FHIP1A: variants seen among roughly 807,000 people sequenced by gnomAD.
FHIP1A encodes FHF complex subunit HOOK interacting protein 1A, also known as FHF complex subunit HOOK-interacting protein 1A.
In FHIP1A, 61 loss-of-function variants were observed where a neutral mutation model predicts 88.6. The observed-to-expected ratio is 0.69, with a 90% CI of 0.56 to 0.85. The LOEUF (loss-of-function observed/expected upper bound fraction) is 0.85. FHIP1A is among the 40% of genes least tolerant of loss of function. The pLI, the probability that FHIP1A is intolerant of heterozygous loss-of-function variation, is 0.00. For synonymous variants in FHIP1A, 478 were observed against 496.0 expected, an observed-to-expected ratio of 0.96 and a Z score of 0.48; for missense variants, 1,154 against 1,273.5, an observed-to-expected ratio of 0.91 and a Z score of 1.43.
intron 11 of FHIP1A, among the ~76,000 whole-genome samples, chr4:151,650,878 C>G (rs924122884): frequency 6.6e-6 from 1 of 152,178 alleles, no homozygotes; most frequent in African/African-American, 2.4e-5. Flanking sequence ...CACAAGAATC[C>G]AGACGTCTTA....
chr4:151,581,771 G>T (rs1423210359), intron 5 of FHIP1A, among the ~76,000 whole-genome samples: 1 of 152,144 alleles, frequency 6.6e-6, no homozygotes, highest in Non-Finnish European at 1.5e-5. Context: ...TGAGAAAAAG[G>T]TTTCTCTAAT....
chr4:151,491,572 AAC>A (rs1440939732), intron 3 of FHIP1A, among the ~76,000 whole-genome samples: 6 of 152,154 alleles, frequency 3.9e-5, no homozygotes, highest in African/African-American at 1.4e-4. Flanking sequence ...ATAAAACAAT[AAC>A]ACAATGAAAA....
Position 151,577,491 on chromosome 4 carries a change from C to T in FHIP1A, c.147C>T (p.Thr49=). 6.5e-7 allele frequency: 1 copy of T among 1,546,982 alleles called. No individual in the cohort carries two copies. Among genetic ancestry groups the T allele is most frequent in the Non-Finnish European group, 8.7e-7 (1 of 1,143,726 alleles). ...ILEKHDPLKN[T]QAKYGSIPPD... is the part of the protein sequence containing the mutation. The stretch of plus-strand genomic sequence containing the variant: ...AGAAGCACGACCCCTTGAAGAACAC[C>T]CAGGCAAAATATGGGTCTATCCCTC... The change falls in exon 5 of 14, where the codon ACC becomes ACT. Residue 49 remains threonine, a synonymous_variant. Coordinates refer to ENST00000435205, the MANE Select transcript of FHIP1A (RefSeq NM_001109977.3).
chr4:151,645,319 A>G (rs984903328), intron 9 of FHIP1A, among the ~76,000 whole-genome samples: 11 of 152,146 alleles, frequency 7.2e-5, no homozygotes, highest in Non-Finnish European at 1.6e-4. Context: ...GGAAAGTATT[A>G]TTAAAACCTT....
intron 3 of FHIP1A, among the ~76,000 whole-genome samples, chr4:151,492,403 T>C (rs1730314581): frequency 6.6e-6 from 1 of 151,728 alleles, no homozygotes; most frequent in Non-Finnish European, 1.5e-5. Context: ...AACAGCCTGA[T>C]CAATATGGTG....
chr4:151,441,315 C>G (rs974715862), intron 1 of FHIP1A, among the ~76,000 whole-genome samples: 2 of 150,428 alleles, frequency 1.3e-5, no homozygotes, highest in African/African-American at 4.9e-5. Flanking sequence ...GAGATCAAGT[C>G]CTTTCTACTT....
intron 4 of FHIP1A, among the ~76,000 whole-genome samples, chr4:151,567,070 A>T (rs1034471492): frequency 9.9e-5 from 15 of 152,120 alleles, no homozygotes; most frequent in Admixed American, 3.3e-4. Flanking sequence ...TGATTATAAA[A>T]TTTTTTTTGA....
intron 1 of FHIP1A, among the ~76,000 whole-genome samples, chr4:151,424,444 T>C (rs534272361): frequency 2.2e-4 from 33 of 152,176 alleles, no homozygotes; most frequent in Admixed American, 7.2e-4. Context: ...GGCAGGACCT[T>C]AGAGCAGTGA....
intron 7 of FHIP1A, among the ~76,000 whole-genome samples, chr4:151,593,821 G>C (rs971582505): frequency 6.6e-6 from 1 of 152,144 alleles, no homozygotes; most frequent in African/African-American, 2.4e-5. Flanking sequence ...GTGAGAGAGG[G>C]CATCCTTGTC....
rs1487279847 is a variant in FHIP1A, at chr4:151,577,632, C to G, written c.288C>G (p.Asn96Lys). ...GPILEFVVSENIMEKLFLWSL... is the reference protein window; with the variant it reads ...GPILEFVVSEKIMEKLFLWSL... ...TTCTGGAATTTGTGGTCTCTGAGAA[C>G]ATCATGGAGAAACTTTTCCTTTGGA... Residue 96 changes from asparagine (N) to lysine (K), a missense_variant, in exon 5 of 14, where the codon AAC becomes AAG. Transcript: ENST00000435205. 6.4e-7 allele frequency: 1 copy of G among 1,551,758 alleles called. No homozygotes were observed. The highest frequency in any genetic ancestry group is 2.0e-5 in the Admixed American group (1 of 50,998).
At chr4:151,490,183 C>T (rs1007339505) in intron 3 of FHIP1A, among the ~76,000 whole-genome samples, 3 of 152,190 alleles carry the variant, frequency 2.0e-5, no homozygotes, top group African/African-American at 7.2e-5. Flanking sequence ...AGCTTCACAG[C>T]TAGCATAACC....
chr4:151,473,991 A>G, intron 2 of FHIP1A, among the ~76,000 whole-genome samples: 1 of 152,222 alleles, frequency 6.6e-6, no homozygotes. Context: ...CACAACTCAT[A>G]ATACAGCTCT....
intron 8 of FHIP1A, among the ~76,000 whole-genome samples, chr4:151,635,808 A>T (rs1165297955): frequency 6.6e-6 from 1 of 152,038 alleles, no homozygotes; most frequent in African/African-American, 2.4e-5. Flanking sequence ...TCTGTTGCAT[A>T]ACAATGTGAA....
At chr4:151,584,436 T>C (rs1262419840) in intron 5 of FHIP1A, among the ~76,000 whole-genome samples, 1 of 152,174 alleles carries the variant, frequency 6.6e-6, no homozygotes, top group Non-Finnish European at 1.5e-5. Context: ...ATAATTTTTT[T>C]CCAAGTTTAA....
chr4:151,528,943 C>A (rs1443087), intron 3 of FHIP1A, among the ~76,000 whole-genome samples: 75,356 of 151,952 alleles, frequency 0.5, 18,919 homozygotes, highest in Non-Finnish European at 0.55. Flanking sequence ...CTTATTGTAA[C>A]TGGGGTGTTC....
intron 8 of FHIP1A, among the ~76,000 whole-genome samples, 161 bp from the exon 9 acceptor site, chr4:151,638,516 C>T (rs768981066): frequency 6.6e-6 from 1 of 151,580 alleles, no homozygotes; most frequent in Non-Finnish European, 1.5e-5. Flanking sequence ...GAATTGATAT[C>T]CTGAATACAC....
chr4:151,472,881 G>C (rs1729573971), intron 2 of FHIP1A, among the ~76,000 whole-genome samples: 1 of 152,128 alleles, frequency 6.6e-6, no homozygotes, highest in Non-Finnish European at 1.5e-5. Flanking sequence ...TTTATACCAA[G>C]CTTATTTTTC....
chr4:151,477,271 G>C (rs1003399299), intron 2 of FHIP1A, among the ~76,000 whole-genome samples: 9 of 152,114 alleles, frequency 5.9e-5, no homozygotes, highest in African/African-American at 2.2e-4. Flanking sequence ...CAAATTAGTC[G>C]GGTAAAGTTG....
chr4:151,488,756 C>T (rs752746204), intron 3 of FHIP1A, among the ~76,000 whole-genome samples: 10 of 152,270 alleles, frequency 6.6e-5, no homozygotes, highest in Admixed American at 1.3e-4. Context: ...TCTTTTAGAC[C>T]GTGAGCTGCA....
Sources: gnomAD v4.1 joint callset for allele counts (sites outside exome capture counted in the v4.1 genomes callset) on GRCh38, gnomAD v4.1.1 for gene constraint, MANE v1.5 for transcripts, NCBI Gene and HGNC (gene_info 2026-07-23, HGNC 2026-07-21) for gene names.